CDK20: variants seen among roughly 807,000 people sequenced by gnomAD.
CDK20 encodes cyclin dependent kinase 20.
CDK20 carries 40 observed loss-of-function variants against 38.6 expected under a neutral mutation model. That is an observed-to-expected ratio of 1.04 (90% CI 0.81 to 1.35). The LOEUF (loss-of-function observed/expected upper bound fraction) is 1.35, where lower values mean the gene tolerates loss of function less well. Among genes scored for constraint, CDK20 ranks in the 40% most tolerant of loss-of-function variants. The pLI is 0.00. For synonymous variants in CDK20, 209 were observed against 185.7 expected, an observed-to-expected ratio of 1.13 and a Z score of -1.02; for missense variants, 512 against 452.6, an observed-to-expected ratio of 1.13 and a Z score of -1.19.
Position 87,971,259 on chromosome 9 carries a change from G to T in CDK20, c.266C>A (p.Ala89Asp), listed in dbSNP as rs376766367. ...CCTCTGGGCATGGCGCACCACCTCG[G>T]CCAGATCCGACAGCATGAACTCAAA... ...LAFEFMLSDLAEVVRHAQRPL... is the reference protein window; with the variant it reads ...LAFEFMLSDLDEVVRHAQRPL... Residue 89 changes from alanine to aspartate, a missense_variant, in exon 3 of 8, where the codon GCC (alanine) becomes GAC (aspartate). Ala to Asp is a moderately radical substitution (Grantham distance 126). Transcript: ENST00000325303. 1.2e-6 allele frequency: 2 copies of T among 1,614,078 alleles called. No individual in the cohort carries two copies. The highest frequency in any genetic ancestry group is 1.7e-6 in the Non-Finnish European group (2 of 1,180,004).
At chr9:87,974,202 C>G in intron 1 of CDK20, 167 bp from the exon 2 acceptor site, 1 of 1,321,304 alleles carries the variant, frequency 7.6e-7, no homozygotes, top group Non-Finnish European at 1.0e-6. Context: ...GGGTAGGGGA[C>G]CAAGCCAGCT....
At position 87,969,180 on chromosome 9, in the gene CDK20, G is replaced by A; in HGVS notation, c.843+14C>T. The A allele has an allele frequency of 6.2e-7, 1 of 1,613,150 alleles. No individual in the cohort carries two copies. The highest frequency in any genetic ancestry group is 2.2e-5 in the East Asian group (1 of 44,866). ...GGGAGCTGAAGGAGCAGAGACTACAGCCTCTCCCCCTACCTTGGAAGCTGC... is the reference window on the plus strand; with the variant it reads ...GGGAGCTGAAGGAGCAGAGACTACAACCTCTCCCCCTACCTTGGAAGCTGC... On this transcript the variant is annotated intron_variant, in intron 7 of 7. Transcript: ENST00000325303.
At chr9:87,973,025 T>C (rs530446280) in intron 2 of CDK20, among the ~76,000 whole-genome samples, 3 of 152,150 alleles carry the variant, frequency 2.0e-5, no homozygotes, top group Non-Finnish European at 2.9e-5. Flanking sequence ...ACAACAGATA[T>C]GGCACACACA....
intron 3 of CDK20, 28 bp downstream of exon 3, chr9:87,971,119 C>A: frequency 1.9e-6 from 3 of 1,606,010 alleles, no homozygotes; most frequent in South Asian, 1.1e-5. Flanking sequence ...CTCCCCAGAC[C>A]CCATGCCCGG....
chr9:87,972,971 GAA>G (rs1250432955), intron 2 of CDK20, among the ~76,000 whole-genome samples: 3 of 152,086 alleles, frequency 2.0e-5, no homozygotes, highest in Non-Finnish European at 4.4e-5. Context: ...AAGAACAAAA[GAA>G]AAATCCTACA....
In CDK20 at chr9:87,974,438, C is replaced by G. The variant is rs750394238; in HGVS notation, c.9G>C (p.Gln3His). Residue 3 changes from glutamine to histidine, a missense_variant, in exon 1 of 8, where the codon CAG becomes CAC. By Grantham distance (24) the Gln-to-His change is conservative. Coordinates refer to ENST00000325303, the MANE Select transcript of CDK20 (RefSeq NM_001039803.3). MD[Q>H]YCILGRIGEG... is the part of the protein sequence containing the mutation. ...CCCCGATGCGGCCCAGGATGCAGTA[C>G]TGGTCCATCCCGCTGCAGTCGTGGG... The G allele has an allele frequency of 1.8e-5, 29 of 1,612,180 alleles. No individual in the cohort carries two copies. The highest frequency in any genetic ancestry group is 2.4e-5 in the Non-Finnish European group (28 of 1,179,778).
At chr9:87,967,759 T>C in intron 7 of CDK20, 100 bp from the exon 8 acceptor site, 1 of 1,032,650 alleles carries the variant, frequency 9.7e-7, no homozygotes, top group Non-Finnish European at 1.4e-6. Context: ...GCTGACTCAG[T>C]GTGTCTGGGT....
intron 2 of CDK20, among the ~76,000 whole-genome samples, chr9:87,972,266 AG>A (rs1829915771): frequency 1.3e-5 from 2 of 152,262 alleles, no homozygotes; most frequent in South Asian, 4.1e-4. Flanking sequence ...AGTGGAGAAA[AG>A]GATACTTCTT....
chr9:87,969,944 G>A (rs1829736013), intron 5 of CDK20, 25 bp from the exon 6 acceptor site: 4 of 1,529,488 alleles, frequency 2.6e-6, no homozygotes, highest in Non-Finnish European at 2.6e-6. Context: ...CCCCAAGCAG[G>A]TCAGAGATCT....
In CDK20 at chr9:87,967,394, C is replaced by A; in HGVS notation, c.*68G>T. 7.4e-6 allele frequency: 11 copies of A among 1,490,772 alleles called. No homozygotes were observed. Among genetic ancestry groups the A allele is most frequent in the Non-Finnish European group, 1.0e-5 (11 of 1,092,132 alleles). 92.3% of individuals were successfully genotyped at this position (1,490,772 alleles called of 1,614,324 possible). ...GGAGGCCTTGGAGGGTGAAGCCAGG[C>A]AGGTGGCAGAGGAACAGGTGGACTG... On this transcript the variant is annotated 3_prime_UTR_variant, in exon 8 of 8. Coordinates refer to ENST00000325303, the MANE Select transcript of CDK20 (RefSeq NM_001039803.3).
At chr9:87,973,230 G>A (rs929153839) in intron 2 of CDK20, among the ~76,000 whole-genome samples, 1 of 152,144 alleles carries the variant, frequency 6.6e-6, no homozygotes, top group African/African-American at 2.4e-5. Flanking sequence ...AATGACACTA[G>A]GGGTGAAAGA....
rs28364964 is a variant in CDK20, at chr9:87,969,143, G to A, written c.843+51C>T. The A allele has an allele frequency of 3.5e-3, 5,532 of 1,596,478 alleles. 16 individuals are homozygous for A. The highest frequency in any genetic ancestry group is 4.3e-3 in the Non-Finnish European group (4,998 of 1,168,636). The stretch of plus-strand genomic sequence containing the variant: ...ATGGCTACCAAGTACAGAGTACCAG[G>A]GTGATGGGGAGGGGAGCTGAAGGAG... On this transcript the variant is annotated intron_variant, in intron 7 of 7. Transcript: ENST00000325303.
At chr9:87,970,131 C>A in intron 5 of CDK20, 1 of 499,558 alleles carries the variant, frequency 2.0e-6, no homozygotes, top group South Asian at 4.3e-5. Context: ...TCGGAGACTC[C>A]TGCTCTAGGA....
At position 87,971,335 on chromosome 9, in the gene CDK20, C is replaced by T. The variant is rs769932384; in HGVS notation, c.190G>A (p.Val64Met). 3.1e-6 allele frequency: 5 copies of T among 1,610,126 alleles called. No individual in the cohort carries two copies. Among genetic ancestry groups the T allele is most frequent in the Non-Finnish European group, 4.2e-6 (5 of 1,178,062 alleles). The change falls in exon 3 of 8, where the codon GTG becomes ATG. Residue 64 changes from valine (V) to methionine (M), a missense_variant and splice_region_variant. Transcript: ENST00000325303. ...GGGAACACAGCCTTCAGTTGTACCA[C>T]CTGTGGGCAGGACATCTTGTTAGCC... ...ALQEMEDNQYVVQLKAVFPHG... is the reference protein window; with the variant it reads ...ALQEMEDNQYMVQLKAVFPHG...
At chr9:87,969,456 T>C (rs1380379678) in intron 6 of CDK20, 107 bp from the exon 7 acceptor site, 4 of 1,212,652 alleles carry the variant, frequency 3.3e-6, no homozygotes, top group African/African-American at 3.0e-5. Context: ...TGGGGGGTGC[T>C]CTCCCATCCA....
At chr9:87,972,550 A>G (rs1182156327) in intron 2 of CDK20, among the ~76,000 whole-genome samples, 1 of 151,830 alleles carries the variant, frequency 6.6e-6, no homozygotes, top group African/African-American at 2.4e-5. Context: ...ACATGGTGAT[A>G]GTGCTCTAAG....
At position 87,967,475 on chromosome 9, in the gene CDK20, A is replaced by G; in HGVS notation, c.1028T>C (p.Ile343Thr). The G allele has an allele frequency of 1.3e-6, 2 of 1,554,638 alleles. No individual in the cohort carries two copies. The highest frequency in any genetic ancestry group is 2.4e-5 in the South Asian group (2 of 84,158). ...AGGGCCAACTTCTCACCCCTCCAGGATGAAGGGCCGAATCAGCTCTGGGTT... is the reference window on the plus strand; with the variant it reads ...AGGGCCAACTTCTCACCCCTCCAGGGTGAAGGGCCGAATCAGCTCTGGGTT... ...LLNPELIRPF[I>T]LEG The change falls in exon 8 of 8, where the codon ATC becomes ACC. Residue 343 changes from isoleucine (I) to threonine (T), a missense_variant. Coordinates refer to ENST00000325303, the MANE Select transcript of CDK20 (RefSeq NM_001039803.3).
chr9:87,974,089 T>C, intron 1 of CDK20, 54 bp from the exon 2 acceptor site: 10 of 1,611,346 alleles, frequency 6.2e-6, no homozygotes, highest in Non-Finnish European at 7.6e-6. Flanking sequence ...GAAAGAGAGA[T>C]GAAGGTGGGT....
At chr9:87,971,104 G>A (rs1211440770) in intron 3 of CDK20, 43 bp downstream of exon 3, 1 of 1,593,234 alleles carries the variant, frequency 6.3e-7, no homozygotes, top group Non-Finnish European at 8.6e-7. Flanking sequence ...CCCAAGCCAA[G>A]TCAGCTCCCC....
Sources: gnomAD v4.1 joint callset for allele counts (sites outside exome capture counted in the v4.1 genomes callset) on GRCh38, gnomAD v4.1.1 for gene constraint, MANE v1.5 for transcripts, NCBI Gene and HGNC (gene_info 2026-07-23, HGNC 2026-07-21) for gene names.